The following BRD7 variants were observed in gnomAD, a reference collection of about 807,000 sequenced individuals.
BRD7 encodes bromodomain-containing protein 7.
A neutral mutation model predicts 82.1 loss-of-function variants in BRD7; 15 were observed. That is an observed-to-expected ratio of 0.18 (90% confidence interval 0.12 to 0.28). The LOEUF (loss-of-function observed/expected upper bound fraction) is 0.28. BRD7 is among the 10% of genes least tolerant of loss of function. The pLI, the probability that BRD7 is intolerant of heterozygous loss-of-function variation, is 1.00. For missense variants in BRD7, 638 were observed against 779.9 expected (o/e 0.82, Z 2.17); for synonymous variants, 232 against 266.9 (o/e 0.87, Z 1.27).
chr16:50,368,902 G>C lies in BRD7; in HGVS notation c.-128C>G. ...AGACCCCGCGCCGCGAGGCAGGGGG[G>C]CGGCGCGCGCCGGGCGGCGCGATGC... On this transcript the variant is annotated 5_prime_UTR_variant, in exon 1 of 17. Transcript: ENST00000394688. 1 of 443,184 alleles carries C rather than the reference G, an allele frequency of 2.3e-6. No homozygotes were observed. The highest frequency in any genetic ancestry group is 3.0e-6 in the Non-Finnish European group (1 of 335,604). The allele number at this position is 443,184 out of a possible 1,614,324, so 27.5% of individuals were successfully genotyped here. A position where few individuals can be genotyped will look rare whatever the true frequency, so the allele number is the denominator to read the frequency against.
chr16:50,356,684 ATC>A (rs1162612875), intron 2 of BRD7, among the ~76,000 whole-genome samples: 1 of 150,230 alleles, frequency 6.7e-6, no homozygotes, highest in Non-Finnish European at 1.5e-5. Context: ...GGTATAAGGG[ATC>A]TCTGTCTGCC....
At chr16:50,362,814 T>C (rs1042937333) in intron 2 of BRD7, among the ~76,000 whole-genome samples, 16 of 152,318 alleles carry the variant, frequency 1.1e-4, no homozygotes, top group Admixed American at 2.6e-4. Context: ...GAGTTTTTAA[T>C]AGGTACGAAA....
At chr16:50,351,279 A>G (rs990475607) in intron 4 of BRD7, among the ~76,000 whole-genome samples, 4 of 152,220 alleles carry the variant, frequency 2.6e-5, no homozygotes, top group Admixed American at 1.3e-4. Context: ...TGAGTCATGC[A>G]TTAAATAAAA....
intron 2 of BRD7, among the ~76,000 whole-genome samples, chr16:50,367,821 G>A (rs1237598093): frequency 6.6e-6 from 1 of 152,146 alleles, no homozygotes; most frequent in Non-Finnish European, 1.5e-5. Flanking sequence ...CTGCCTAGAT[G>A]GAAAAACCAT....
Position 50,319,190 on chromosome 16 carries a change from A to G in BRD7, c.*21T>C. 1.3e-6 allele frequency: 2 copies of G among 1,587,968 alleles called. No homozygotes were observed. Among genetic ancestry groups the G allele is most frequent in the South Asian group, 1.1e-5 (1 of 89,862 alleles). ...GAATGAAAAAGTATGTACATAATAT[A>G]TAATCAAATACCAGGCAGCCTCAAC... On this transcript the variant is annotated 3_prime_UTR_variant, in exon 17 of 17. Coordinates refer to ENST00000394688, the MANE Select transcript of BRD7 (RefSeq NM_013263.5).
At chr16:50,330,617 G>A (rs2037525015) in intron 8 of BRD7, among the ~76,000 whole-genome samples, 1 of 152,108 alleles carries the variant, frequency 6.6e-6, no homozygotes, top group Admixed American at 6.6e-5. Flanking sequence ...GCTTCTGTGT[G>A]TTTGTATGTC....
rs191017763 is a variant in BRD7 at position 50,359,912 on chromosome 16, T to C, written c.259-4990A>G. On this transcript the variant is annotated intron_variant, in intron 2 of 16. Transcript: ENST00000394688. The stretch of plus-strand genomic sequence containing the variant: ...CATTCCAGGCAGGGGAAACATCTTG[T>C]ATGCATGAAGATCTGAGGCAGGAGA... 1.5e-4 allele frequency among the ~76,000 whole-genome samples: 23 copies of C among 152,256 alleles called. No homozygotes were observed. The East Asian group carries it at 4.0e-3, about 27-fold the overall frequency.
chr16:50,355,911 A>G (rs1307128981), intron 2 of BRD7, among the ~76,000 whole-genome samples: 4 of 152,254 alleles, frequency 2.6e-5, no homozygotes, highest in Non-Finnish European at 5.9e-5. Flanking sequence ...GAGATAAAGT[A>G]CTTGAAACAC....
intron 5 of BRD7, among the ~76,000 whole-genome samples, chr16:50,347,508 A>G (rs1222438503): frequency 2.0e-5 from 3 of 152,044 alleles, no homozygotes; most frequent in Non-Finnish European, 2.9e-5. Flanking sequence ...TATTTAGAAA[A>G]CCCCATCGTC....
chr16:50,344,319 G>A (rs1259404130), intron 5 of BRD7, among the ~76,000 whole-genome samples: 5 of 152,274 alleles, frequency 3.3e-5, no homozygotes, highest in East Asian at 1.9e-4. Context: ...AAACCAGAGC[G>A]GAAAAGCTGA....
intron 13 of BRD7, among the ~76,000 whole-genome samples, chr16:50,321,024 A>C (rs1021354702): frequency 3.3e-5 from 5 of 152,254 alleles, no homozygotes; most frequent in African/African-American, 1.2e-4. Context: ...ATCTTATACA[A>C]TTTATATCAT....
At chr16:50,344,371 G>A (rs2038197289) in intron 5 of BRD7, among the ~76,000 whole-genome samples, 2 of 152,160 alleles carry the variant, frequency 1.3e-5, no homozygotes, top group Admixed American at 6.5e-5. Flanking sequence ...CCAAAGGAAC[G>A]CAGCTCCTTG....
At chr16:50,339,619 C>G (rs922454014) in intron 6 of BRD7, among the ~76,000 whole-genome samples, 2 of 152,172 alleles carry the variant, frequency 1.3e-5, no homozygotes, top group African/African-American at 4.8e-5. Flanking sequence ...GACTGACCAA[C>G]GTTAGATTCC....
At chr16:50,363,673 G>GCA (rs1567292223) in intron 2 of BRD7, among the ~76,000 whole-genome samples, 9 of 61,730 alleles carry the variant, frequency 1.5e-4, no homozygotes, top group African/African-American at 3.1e-4. Context: ...GCGCGCGCGC[G>GCA]TGCGCGTGTG....
chr16:50,317,434 T>TAA lies in BRD7; in HGVS notation c.*1775_*1776dup, dbSNP rs747048761. On this transcript the variant is annotated 3_prime_UTR_variant, in exon 17 of 17. Transcript: ENST00000394688. ...GTCAGGAAGGTTTCTGTTGCTAATA[T>TAA]AACATAGAAACACATTAGTGCACTG... The TAA allele has an allele frequency of 6.6e-6, 1 of 150,778 alleles. No individual in the cohort carries two copies. Among genetic ancestry groups the TAA allele is most frequent in the African/African-American group, 2.5e-5 (1 of 39,940 alleles). The allele number at this position is 150,778 out of a possible 1,614,324, so 9.3% of individuals were successfully genotyped here.
chr16:50,329,253 G>T (rs1372295263), intron 8 of BRD7, among the ~76,000 whole-genome samples: 1 of 152,136 alleles, frequency 6.6e-6, no homozygotes, highest in Non-Finnish European at 1.5e-5. Context: ...AATTCTAAGA[G>T]CTCTGTGGGT....
At chr16:50,330,238 G>A (rs2037502993) in intron 8 of BRD7, among the ~76,000 whole-genome samples, 1 of 152,048 alleles carries the variant, frequency 6.6e-6, no homozygotes, top group African/African-American at 2.4e-5. Context: ...TAAGTATTAG[G>A]CCCTAAAAAC....
chr16:50,351,969 T>C (rs2038545224), intron 4 of BRD7, among the ~76,000 whole-genome samples: 1 of 152,216 alleles, frequency 6.6e-6, no homozygotes, highest in Non-Finnish European at 1.5e-5. Flanking sequence ...CTGATGTATA[T>C]AATAAATGGT....
chr16:50,347,770 C>G (rs2038348941), intron 5 of BRD7, among the ~76,000 whole-genome samples: 1 of 152,156 alleles, frequency 6.6e-6, no homozygotes, highest in African/African-American at 2.4e-5. Context: ...AGGATACAAA[C>G]AAATGGAAGA....
Sources: gnomAD v4.1 joint callset for allele counts (sites outside exome capture counted in the v4.1 genomes callset) on GRCh38, gnomAD v4.1.1 for gene constraint, MANE v1.5 for transcripts, NCBI Gene and HGNC (gene_info 2026-07-23, HGNC 2026-07-21) for gene names.